PTPN13: variants seen among roughly 807,000 people sequenced by gnomAD.
PTPN13 encodes protein tyrosine phosphatase non-receptor type 13.
In PTPN13, 191 loss-of-function variants were observed where a neutral mutation model predicts 284.0. The ratio of observed to expected loss-of-function variants is 0.67; its 90% CI spans 0.60 to 0.76. The LOEUF (loss-of-function observed/expected upper bound fraction) is 0.76, where lower values mean the gene tolerates loss of function less well. Ranked by LOEUF, PTPN13 falls within the 30% of genes least tolerant of loss-of-function variation. The pLI is 0.00. For missense variants in PTPN13, 2,797 were observed against 2,939.9 expected, an observed-to-expected ratio of 0.95 and a Z score of 1.12; for synonymous variants, 986 against 1,022.3, an observed-to-expected ratio of 0.96 and a Z score of 0.68.
At position 86,779,417 on chromosome 4, in the gene PTPN13, C is replaced by CAA. The variant is rs59094100; in HGVS notation, c.5892-970_5892-969dup. Reference sequence around the variant, plus strand: ...GGGTGACAGAGCAAGACTCCGTCTCCAAAAAAAAAAAAAAAATGATGTATG... The same window carrying CAA: ...GGGTGACAGAGCAAGACTCCGTCTCCAAAAAAAAAAAAAAAAAATGATGTATG... On this transcript the variant is annotated intron_variant, in intron 35 of 47. Transcript: ENST00000411767. Among the ~76,000 whole-genome samples the CAA allele has an allele frequency of 2.1e-3, 260 of 122,500 alleles. 3 individuals carry two copies. The highest frequency in any genetic ancestry group is 6.8e-3 in the African/African-American group (227 of 33,170). 80.4% of individuals were successfully genotyped at this position (122,500 alleles called of 152,430 possible).
intron 1 of PTPN13, among the ~76,000 whole-genome samples, chr4:86,596,876 T>A (rs1763856345): frequency 6.6e-6 from 1 of 152,172 alleles, no homozygotes; most frequent in African/African-American, 2.4e-5. Flanking sequence ...TTATGCATAA[T>A]TAAATTATAA....
chr4:86,670,243 C>G (rs1578381906), intron 2 of PTPN13, among the ~76,000 whole-genome samples: 1 of 140,322 alleles, frequency 7.1e-6, no homozygotes, highest in East Asian at 2.0e-4. Flanking sequence ...CCAGCAACTC[C>G]CAAAATATAT....
intron 1 of PTPN13, among the ~76,000 whole-genome samples, chr4:86,621,134 G>A (rs534373945): frequency 1.3e-5 from 2 of 151,780 alleles, no homozygotes; most frequent in African/African-American, 4.8e-5. Flanking sequence ...ACAAAGCCTG[G>A]GCTGGGGTAC....
intron 1 of PTPN13, among the ~76,000 whole-genome samples, chr4:86,626,561 T>C (rs183289291): frequency 1.5e-4 from 23 of 152,206 alleles, no homozygotes; most frequent in African/African-American, 5.1e-4. Flanking sequence ...TATTAATGTA[T>C]TTTGTATTAG....
chr4:86,649,132 A>T (rs1303598838), intron 2 of PTPN13, among the ~76,000 whole-genome samples: 1 of 152,096 alleles, frequency 6.6e-6, no homozygotes, highest in Non-Finnish European at 1.5e-5. Context: ...TTAATCCATC[A>T]GATGGATAGT....
At chr4:86,699,394 A>C (rs1171608077) in intron 6 of PTPN13, among the ~76,000 whole-genome samples, 1 of 151,958 alleles carries the variant, frequency 6.6e-6, no homozygotes, top group Non-Finnish European at 1.5e-5. Flanking sequence ...CCCCCTCCAA[A>C]AAAAAAAAGT....
intron 1 of PTPN13, among the ~76,000 whole-genome samples, chr4:86,607,385 G>A (rs552486444): frequency 6.6e-6 from 1 of 152,022 alleles, no homozygotes; most frequent in South Asian, 2.1e-4. Flanking sequence ...CACTGAAAAT[G>A]ACTCCAATGA....
chr4:86,648,550 G>T (rs965660425), intron 2 of PTPN13, among the ~76,000 whole-genome samples: 4 of 152,092 alleles, frequency 2.6e-5, no homozygotes, highest in African/African-American at 9.7e-5. Context: ...TGTTGCAAAT[G>T]AAAGGATTTT....
In PTPN13 at chr4:86,668,502, T is replaced by C. The variant is rs546258807; in HGVS notation, c.116-3863T>C. Reference sequence around the variant, plus strand: ...GTGTGTTTACGGAATTTGACAGCAATGTAGTTTGTTGTCACGGTTTCTTTA... The same window carrying C: ...GTGTGTTTACGGAATTTGACAGCAACGTAGTTTGTTGTCACGGTTTCTTTA... On this transcript the variant is annotated intron_variant, in intron 2 of 47. Coordinates refer to ENST00000411767, the MANE Select transcript of PTPN13 (RefSeq NM_080683.3). Among the ~76,000 whole-genome samples, 12 of 152,314 alleles carry C rather than the reference T, an allele frequency of 7.9e-5. No individual in the cohort carries two copies. The South Asian group carries it at 2.5e-3, about 32-fold the overall frequency.
chr4:86,811,029 G>A lies in PTPN13; in HGVS notation c.7300-17G>A. 6.2e-7 allele frequency: 1 copy of A among 1,608,860 alleles called. No individual in the cohort carries two copies. Among genetic ancestry groups the A allele is most frequent in the Non-Finnish European group, 8.5e-7 (1 of 1,175,570 alleles). ...GTTATCCTTTGAATCTAACACATAT[G>A]TGGTTTCCTCTGACAGTTTGACATC... On this transcript the variant is annotated splice_polypyrimidine_tract_variant and intron_variant, in intron 46 of 47. Coordinates refer to ENST00000411767, the MANE Select transcript of PTPN13 (RefSeq NM_080683.3).
chr4:86,737,261 A>T (rs992102783), intron 15 of PTPN13, among the ~76,000 whole-genome samples: 2 of 143,392 alleles, frequency 1.4e-5, no homozygotes, highest in African/African-American at 2.5e-5. Context: ...TAAAATATAA[A>T]ATAAAATAAA....
chr4:86,684,668 T>TA (rs1283761295), intron 3 of PTPN13, among the ~76,000 whole-genome samples: 6 of 152,168 alleles, frequency 3.9e-5, no homozygotes, highest in African/African-American at 1.2e-4. Flanking sequence ...TATATCTGAC[T>TA]AATTTCTAAA....
At chr4:86,715,064 A>G (rs760075627) in intron 7 of PTPN13, among the ~76,000 whole-genome samples, 9 of 152,206 alleles carry the variant, frequency 5.9e-5, no homozygotes, top group Non-Finnish European at 1.0e-4. Context: ...AACAGAAGGT[A>G]TCCTTCAGAA....
intron 9 of PTPN13, among the ~76,000 whole-genome samples, chr4:86,718,810 T>C (rs1251779992): frequency 6.6e-6 from 1 of 152,204 alleles, no homozygotes; most frequent in Non-Finnish European, 1.5e-5. Flanking sequence ...TAAAATAGTC[T>C]ATAATTTTTT....
chr4:86,710,850 A>G (rs1732309052), intron 7 of PTPN13, among the ~76,000 whole-genome samples: 1 of 152,174 alleles, frequency 6.6e-6, no homozygotes, highest in Non-Finnish European at 1.5e-5. Flanking sequence ...GTAAAATAGT[A>G]CTAGAGATGA....
intron 37 of PTPN13, among the ~76,000 whole-genome samples, chr4:86,782,663 A>C (rs930378011): frequency 2.0e-5 from 3 of 152,192 alleles, no homozygotes; most frequent in African/African-American, 7.2e-5. Context: ...AAATCTGTGC[A>C]ATCAGTGAGG....
intron 37 of PTPN13, among the ~76,000 whole-genome samples, chr4:86,784,147 T>C (rs1353205656): frequency 1.3e-5 from 2 of 152,150 alleles, no homozygotes; most frequent in Non-Finnish European, 2.9e-5. Flanking sequence ...GTCAGATATT[T>C]TAAGAAGTAC....
chr4:86,760,217 A>C (rs960606325), intron 23 of PTPN13, among the ~76,000 whole-genome samples: 5 of 152,180 alleles, frequency 3.3e-5, no homozygotes, highest in Non-Finnish European at 2.9e-5. Context: ...GAAATAGAAA[A>C]CACCACCACT....
rs34944218 is a variant in PTPN13, at chr4:86,789,842, C to CTTT, written c.6345+3920_6345+3922dup. Among the ~76,000 whole-genome samples the CTTT allele has an allele frequency of 1.6e-3, 216 of 135,972 alleles. 1 individual carries two copies. Among genetic ancestry groups the CTTT allele is most frequent in the Non-Finnish European group, 2.2e-3 (140 of 62,738 alleles). 89.2% of individuals were successfully genotyped at this position (135,972 alleles called of 152,430 possible). On this transcript the variant is annotated intron_variant, in intron 40 of 47. Transcript: ENST00000411767. The stretch of plus-strand genomic sequence containing the variant: ...TTGGTTAATACAGGTATCACTGTAG[C>CTTT]TTTTTTTTTTTTTTTTGAGTAACAG...
Sources: allele counts gnomAD v4.1 joint callset (sites outside exome capture counted in the v4.1 genomes callset), GRCh38; gene constraint gnomAD v4.1.1; transcripts MANE v1.5; gene names NCBI Gene and HGNC (gene_info 2026-07-23, HGNC 2026-07-21).